The following JDP2 variants were observed in gnomAD, a reference collection of about 807,000 sequenced individuals.
JDP2 encodes Jun dimerization protein 2.
A neutral mutation model predicts 17.1 loss-of-function variants in JDP2; 9 were observed. The ratio of observed to expected loss-of-function variants is 0.53; its 90% CI spans 0.32 to 0.92. The LOEUF is 0.92. JDP2 is among the 40% of genes least tolerant of loss of function. JDP2 has a pLI of 0.04. For missense variants in JDP2, 179 were observed against 220.0 expected (o/e 0.81, Z 1.18); for synonymous variants, 107 against 95.6 (o/e 1.12, Z -0.69).
At chr14:75,450,764 G>A (rs954829043) in intron 2 of JDP2, among the ~76,000 whole-genome samples, 5 of 152,144 alleles carry the variant, frequency 3.3e-5, no homozygotes, top group East Asian at 1.9e-4. Flanking sequence ...CCCTAACCAC[G>A]CAAGGTGCTG....
rs1884756334 is a variant in JDP2, at chr14:75,430,667, T to C, written c.-24+2415T>C. Among the ~76,000 whole-genome samples, 1 of 152,148 alleles carries C rather than the reference T, an allele frequency of 6.6e-6. No individual in the cohort carries two copies. Among genetic ancestry groups the C allele is most frequent in the Non-Finnish European group, 1.5e-5 (1 of 68,024 alleles). On this transcript the variant is annotated intron_variant, in intron 1 of 3. Transcript: ENST00000651602. This position sits in a 1 kb window ranked among gnomAD's most constrained non-coding sequence, Gnocchi z 4.5. ...GCCATATGCAGCGTATGGTGGCCAA[T>C]GAAACCGGGCCTGGCTCATTCTGTT...
intron 2 of JDP2, among the ~76,000 whole-genome samples, chr14:75,457,182 A>C (rs1370882212): frequency 6.6e-6 from 1 of 152,114 alleles, no homozygotes; most frequent in Non-Finnish European, 1.5e-5. Context: ...AATCATTATC[A>C]CCCAGTTTGG....
chr14:75,468,309 T>A (rs1295268824), intron 3 of JDP2, among the ~76,000 whole-genome samples: 1 of 152,110 alleles, frequency 6.6e-6, no homozygotes, highest in Non-Finnish European at 1.5e-5. Context: ...GTTGTGACAA[T>A]CAAAAATGTC....
rs979047222 is a variant in JDP2 at position 75,469,662 on chromosome 14, G to A, written c.*187G>A. On this transcript the variant is annotated 3_prime_UTR_variant, in exon 4 of 4. Coordinates refer to ENST00000651602, the MANE Select transcript of JDP2 (RefSeq NM_001135048.2). ...ATCAGCCACCCAGGAGGAAGAGCGG[G>A]CTGAGGAAACCCAGAGGGACCAAGC... 1 of 601,952 alleles carries A rather than the reference G, an allele frequency of 1.7e-6. No individual in the cohort carries two copies. The highest frequency in any genetic ancestry group is 2.9e-6 in the Non-Finnish European group (1 of 345,216). The allele number at this position is 601,952 out of a possible 1,614,324, so 37.3% of individuals were successfully genotyped here.
chr14:75,445,054 T>C, intron 2 of JDP2: 1 of 978,850 alleles, frequency 1.0e-6, no homozygotes, highest in Non-Finnish European at 1.2e-6. Context: ...TGTCAAGTCT[T>C]CTGTCAATCC....
chr14:75,443,544 C>T (rs141335487), intron 2 of JDP2, among the ~76,000 whole-genome samples: 31 of 151,956 alleles, frequency 2.0e-4, no homozygotes, highest in African/African-American at 6.8e-4. Context: ...TTTGTTAGCA[C>T]ATTTTCGAAA....
At chr14:75,452,806 T>C (rs373384912) in intron 2 of JDP2, among the ~76,000 whole-genome samples, 1 of 152,184 alleles carries the variant, frequency 6.6e-6, no homozygotes, top group African/African-American at 2.4e-5. Flanking sequence ...TGAGGTGATG[T>C]GAGTCTGCAA....
intron 1 of JDP2, chr14:75,432,428 C>A (rs1412345210): frequency 1.6e-6 from 2 of 1,281,228 alleles, no homozygotes; most frequent in African/African-American, 1.5e-5. Context: ...GGGAATCTTC[C>A]CAGGCTCTGG....
At chr14:75,458,373 C>T (rs944288001) in intron 2 of JDP2, among the ~76,000 whole-genome samples, 5 of 152,042 alleles carry the variant, frequency 3.3e-5, no homozygotes, top group African/African-American at 1.2e-4. Flanking sequence ...TCTGTGTGTC[C>T]GTGTGTTCTC....
At chr14:75,431,811 G>A (rs1884810510) in intron 1 of JDP2, among the ~76,000 whole-genome samples, 1 of 152,250 alleles carries the variant, frequency 6.6e-6, no homozygotes, top group Non-Finnish European at 1.5e-5. Flanking sequence ...AAGGGACCTT[G>A]AGGGGTCATC....
intron 2 of JDP2, among the ~76,000 whole-genome samples, chr14:75,459,791 G>C (rs1434973814): frequency 6.6e-6 from 1 of 152,218 alleles, no homozygotes; most frequent in Non-Finnish European, 1.5e-5. Flanking sequence ...GTGTCCTTCA[G>C]ATTTTCCTGG....
At chr14:75,459,123 G>A (rs1412790882) in intron 2 of JDP2, among the ~76,000 whole-genome samples, 1 of 152,206 alleles carries the variant, frequency 6.6e-6, no homozygotes, top group African/African-American at 2.4e-5. Context: ...CTCAGGGGAG[G>A]ACACAAGGCC....
chr14:75,461,227 T>G (rs1886333086), intron 2 of JDP2, among the ~76,000 whole-genome samples, 199 bp from the exon 3 acceptor site: 1 of 152,200 alleles, frequency 6.6e-6, no homozygotes, highest in South Asian at 2.1e-4. Flanking sequence ...GACTCCTCCC[T>G]GGGATGCTCT....
chr14:75,463,725 TTA>T (rs1886439891), intron 3 of JDP2, among the ~76,000 whole-genome samples: 1 of 152,036 alleles, frequency 6.6e-6, no homozygotes, highest in Non-Finnish European at 1.5e-5. Flanking sequence ...CAGCTGGAGT[TTA>T]GAGTACCAAG....
chr14:75,448,740 G>A (rs947937342), intron 2 of JDP2, among the ~76,000 whole-genome samples: 1 of 152,166 alleles, frequency 6.6e-6, no homozygotes, highest in Non-Finnish European at 1.5e-5. Flanking sequence ...TTCCTTCATT[G>A]TTTTAGAAGG....
chr14:75,455,073 G>T (rs542273846), intron 2 of JDP2, among the ~76,000 whole-genome samples: 179 of 152,310 alleles, frequency 1.2e-3, no homozygotes, highest in African/African-American at 4.1e-3. Flanking sequence ...GTGGAATCAT[G>T]ACAACCTGCT....
chr14:75,451,850 C>CTG (rs3028901), intron 2 of JDP2, among the ~76,000 whole-genome samples: 114,206 of 152,056 alleles, frequency 0.75, 43,308 homozygotes, highest in African/African-American at 0.84. Context: ...GTTTCCTCAT[C>CTG]TAAAATCTAG....
intron 3 of JDP2, among the ~76,000 whole-genome samples, chr14:75,468,055 CT>C (rs1886646005): frequency 6.6e-6 from 1 of 152,154 alleles, no homozygotes; most frequent in African/African-American, 2.4e-5. Flanking sequence ...TGGGGACCCC[CT>C]GGGGAGGCCG....
At chr14:75,445,744 C>A in intron 2 of JDP2, 1 of 276,922 alleles carries the variant, frequency 3.6e-6, no homozygotes, top group Non-Finnish European at 5.5e-6. Context: ...ATCTTTGTGA[C>A]CTTGGATTAG....
Sources: allele counts gnomAD v4.1 joint callset (sites outside exome capture counted in the v4.1 genomes callset), GRCh38; gene constraint gnomAD v4.1.1; non-coding constraint Gnocchi (gnomAD v3.1); transcripts MANE v1.5; gene names NCBI Gene and HGNC (gene_info 2026-07-23, HGNC 2026-07-21).